The following SGCZ variants were observed in gnomAD, a reference collection of about 807,000 sequenced individuals.
The protein encoded by SGCZ is zeta-sarcoglycan.
SGCZ carries 40 observed loss-of-function variants against 41.3 expected under a neutral mutation model. That is an observed-to-expected ratio of 0.97 (90% CI 0.75 to 1.26). The LOEUF (loss-of-function observed/expected upper bound fraction) is 1.26. SGCZ is among the 50% of genes most tolerant of loss of function. The pLI is 0.00. For missense variants in SGCZ, 552 were observed against 369.8 expected (o/e 1.49, Z -4.04); for synonymous variants, 206 against 137.5 (o/e 1.50, Z -3.49).
rs1024820205 is a variant in SGCZ, at chr8:15,175,162, C to T, written c.39+62423G>A. On this transcript the variant is annotated intron_variant, in intron 1 of 7. Coordinates refer to ENST00000382080, the MANE Select transcript of SGCZ (RefSeq NM_139167.4). ...AAGGAAGAAAGAAATTCCACTTGAC[C>T]GAGCAATCCTATTACTGGGCATAAA... Among the ~76,000 whole-genome samples, 6 of 151,866 alleles carry T rather than the reference C, an allele frequency of 4.0e-5. No individual in the cohort carries two copies. The South Asian group carries it at 6.3e-4, about 16-fold the overall frequency.
intron 3 of SGCZ, among the ~76,000 whole-genome samples, chr8:14,275,139 A>C (rs556653104): frequency 6.6e-6 from 1 of 152,308 alleles, no homozygotes; most frequent in East Asian, 1.9e-4. Flanking sequence ...GTCAGAGCCG[A>C]AAGCCAGGTC....
At chr8:14,703,674 G>A (rs1029047261) in intron 1 of SGCZ, among the ~76,000 whole-genome samples, 4 of 151,874 alleles carry the variant, frequency 2.6e-5, no homozygotes, top group Non-Finnish European at 5.9e-5. Context: ...AACCTTTATG[G>A]ACAGCAGAAA....
At chr8:14,493,847 A>G (rs1801914781) in intron 2 of SGCZ, among the ~76,000 whole-genome samples, 1 of 152,072 alleles carries the variant, frequency 6.6e-6, no homozygotes, top group Non-Finnish European at 1.5e-5. Flanking sequence ...TACTGTTTTT[A>G]TATTTTTATT....
chr8:15,176,862 G>A lies in SGCZ; in HGVS notation c.39+60723C>T, dbSNP rs137869650. ...TAAAAACACACAAAATTAGCCAGGC[G>A]TGGTGGCAGGCGCCTGTAGTCCCAG... is the stretch of plus-strand genomic sequence containing the variant. On this transcript the variant is annotated intron_variant, in intron 1 of 7. Transcript: ENST00000382080. 3.4e-3 allele frequency among the ~76,000 whole-genome samples: 525 copies of A among 152,256 alleles called. 3 individuals are homozygous for A. The highest frequency in any genetic ancestry group is 0.012 in the African/African-American group (499 of 41,554).
intron 1 of SGCZ, among the ~76,000 whole-genome samples, chr8:14,795,998 C>G (rs1242908506): frequency 2.0e-5 from 3 of 152,166 alleles, no homozygotes; most frequent in East Asian, 3.9e-4. Context: ...CTGCAAAGGA[C>G]AAGATCTTGT....
At chr8:15,034,206 A>G (rs1000594290) in intron 1 of SGCZ, among the ~76,000 whole-genome samples, 2 of 152,182 alleles carry the variant, frequency 1.3e-5, no homozygotes, top group African/African-American at 4.8e-5. Context: ...AATACAAAGA[A>G]ACAATTGAAT....
chr8:14,289,948 G>T (rs927886763), intron 3 of SGCZ, among the ~76,000 whole-genome samples: 3 of 151,918 alleles, frequency 2.0e-5, no homozygotes, highest in African/African-American at 7.3e-5. Flanking sequence ...TCTTCATAAG[G>T]CAGGAGAGTG....
intron 1 of SGCZ, among the ~76,000 whole-genome samples, chr8:15,061,432 C>A (rs1197787922): frequency 6.6e-6 from 1 of 150,838 alleles, no homozygotes; most frequent in Non-Finnish European, 1.5e-5. Context: ...ACCTAATGTA[C>A]ATGAGGGATT....
At chr8:15,111,449 G>C (rs1047360466) in intron 1 of SGCZ, among the ~76,000 whole-genome samples, 1 of 152,120 alleles carries the variant, frequency 6.6e-6, no homozygotes, top group African/African-American at 2.4e-5. Context: ...CAATTCACTT[G>C]AGCCTCAAGC....
intron 1 of SGCZ, among the ~76,000 whole-genome samples, chr8:15,054,407 T>A (rs1804628635): frequency 6.6e-6 from 1 of 152,080 alleles, no homozygotes; most frequent in South Asian, 2.1e-4. Flanking sequence ...CCAGTGCAGA[T>A]CCTGGTGTCA....
intron 1 of SGCZ, among the ~76,000 whole-genome samples, chr8:15,050,133 C>T (rs997095365): frequency 1.2e-4 from 19 of 152,198 alleles, no homozygotes; most frequent in South Asian, 4.1e-4. Flanking sequence ...AAGATTTACA[C>T]GTACAGTCTG....
At position 15,237,697 on chromosome 8, in the gene SGCZ, G is replaced by C; in HGVS notation, c.-74C>G. 2.0e-6 allele frequency: 3 copies of C among 1,514,192 alleles called. No individual in the cohort carries two copies. The highest frequency in any genetic ancestry group is 2.7e-6 in the Non-Finnish European group (3 of 1,113,438). 93.8% of individuals were successfully genotyped at this position (1,514,192 alleles called of 1,614,324 possible). Reference sequence around the variant, plus strand: ...AAACAATCTAGTCTTTTAGTTTCCAGCTTAAACTCAGCTTTATCCTCCTCC... The same window carrying C: ...AAACAATCTAGTCTTTTAGTTTCCACCTTAAACTCAGCTTTATCCTCCTCC... On this transcript the variant is annotated 5_prime_UTR_variant, in exon 1 of 8. Transcript: ENST00000382080.
intron 3 of SGCZ, among the ~76,000 whole-genome samples, chr8:14,248,412 G>T (rs1365649): frequency 0.67 from 101,412 of 151,936 alleles, 34,241 homozygotes; most frequent in South Asian, 0.78. Flanking sequence ...ATGCGTATTT[G>T]TATATGATAC....
rs1054758394 is a variant in SGCZ at position 14,960,872 on chromosome 8, T to C, written c.39+276713A>G. Among the ~76,000 whole-genome samples, 92 of 151,734 alleles carry C rather than the reference T, an allele frequency of 6.1e-4. 2 individuals are homozygous for C. The highest frequency in any genetic ancestry group is 2.2e-4 in the Non-Finnish European group (15 of 67,970). ...GACAGAATCATGTGGCCTTTGAAAGTGGAATTGTATTCACTTAGAAAAGCA... is the reference window on the plus strand; with the variant it reads ...GACAGAATCATGTGGCCTTTGAAAGCGGAATTGTATTCACTTAGAAAAGCA... On this transcript the variant is annotated intron_variant, in intron 1 of 7. Coordinates refer to ENST00000382080, the MANE Select transcript of SGCZ (RefSeq NM_139167.4).
At chr8:15,192,673 C>T (rs1800580749) in intron 1 of SGCZ, among the ~76,000 whole-genome samples, 1 of 152,034 alleles carries the variant, frequency 6.6e-6, no homozygotes, top group Admixed American at 6.6e-5. Flanking sequence ...TAAAACAAAC[C>T]ACCTTCACAA....
intron 1 of SGCZ, among the ~76,000 whole-genome samples, chr8:14,682,218 A>C (rs573110252): frequency 2.0e-5 from 3 of 152,242 alleles, no homozygotes; most frequent in African/African-American, 7.2e-5. Flanking sequence ...AAATACAGGA[A>C]ACTTTAACAG....
intron 1 of SGCZ, among the ~76,000 whole-genome samples, chr8:14,913,898 A>G (rs1017615364): frequency 2.0e-5 from 3 of 152,106 alleles, no homozygotes; most frequent in Non-Finnish European, 4.4e-5. Context: ...TGATAAAAGC[A>G]AAACTATTTG....
At chr8:14,696,302 G>A (rs141983500) in intron 1 of SGCZ, among the ~76,000 whole-genome samples, 24 of 151,906 alleles carry the variant, frequency 1.6e-4, no homozygotes, top group Admixed American at 2.0e-4. Flanking sequence ...ACATTGAAGC[G>A]GTATCAGGAT....
intron 2 of SGCZ, among the ~76,000 whole-genome samples, chr8:14,535,979 A>G (rs1585057615): frequency 1.3e-5 from 2 of 151,886 alleles, no homozygotes; most frequent in East Asian, 1.9e-4. Flanking sequence ...ATAAGTTAAT[A>G]AAATGATTAA....
Sources: gnomAD v4.1 joint callset for allele counts (sites outside exome capture counted in the v4.1 genomes callset) on GRCh38, gnomAD v4.1.1 for gene constraint, MANE v1.5 for transcripts, NCBI Gene and HGNC (gene_info 2026-07-23, HGNC 2026-07-21) for gene names.